Variants in RPS6KA2 observed in about 807,000 individuals in gnomAD.
RPS6KA2 encodes ribosomal protein S6 kinase A2.
Under a neutral mutation model 91.8 loss-of-function variants are expected in RPS6KA2, and 42 were observed. The observed-to-expected ratio is 0.46, with a 90% CI of 0.36 to 0.59. The LOEUF is 0.59. Among genes scored for constraint, RPS6KA2 ranks in the 20% least tolerant of loss-of-function variants. The pLI is 0.00. For missense variants in RPS6KA2, 798 were observed against 978.5 expected (o/e 0.82, Z 2.46); for synonymous variants, 414 against 393.6 (o/e 1.05, Z -0.61).
intron 2 of RPS6KA2, among the ~76,000 whole-genome samples, chr6:166,694,104 G>A (rs184717867): frequency 1.6e-4 from 24 of 152,308 alleles, no homozygotes; most frequent in African/African-American, 4.6e-4. Flanking sequence ...ACTGGGGCTC[G>A]CTGCCCTTAT....
At chr6:166,542,276 T>C (rs1041841560) in intron 1 of RPS6KA2, 11 of 152,246 alleles carry the variant, frequency 7.2e-5, no homozygotes, top group Non-Finnish European at 1.3e-4. Flanking sequence ...AGCATGAAAA[T>C]GTTACTCACA....
chr6:166,791,827 G>T (rs1417600407), intron 2 of RPS6KA2, among the ~76,000 whole-genome samples: 2 of 151,628 alleles, frequency 1.3e-5, no homozygotes, highest in African/African-American at 4.9e-5. Flanking sequence ...CGAGAACAAA[G>T]ACACAACATA....
In RPS6KA2 at chr6:166,757,596, C is replaced by G. The variant is rs573815241; in HGVS notation, c.123+100604G>C. The G allele has an allele frequency of 2.2e-4, 100 of 456,218 alleles. No individual in the cohort carries two copies. The East Asian group carries it at 6.8e-3, about 31-fold the overall frequency. The allele number at this position is 456,218 out of a possible 1,614,324, so 28.3% of individuals were successfully genotyped here. ...TCATCATGATGCACTCCCCAGGTCC[C>G]GGGGGCCGGGCTCCCCTTGCCGTCC... On this transcript the variant is annotated intron_variant, in intron 2 of 21. Transcript: ENST00000503859.
At chr6:166,610,722 A>G (rs992897778) in intron 1 of RPS6KA2, among the ~76,000 whole-genome samples, 2 of 152,272 alleles carry the variant, frequency 1.3e-5, no homozygotes, top group African/African-American at 4.8e-5. Flanking sequence ...TATGGAAAGT[A>G]GTGGTAAAGA....
chr6:166,549,881 C>T (rs1156997980), intron 1 of RPS6KA2, among the ~76,000 whole-genome samples: 1 of 152,208 alleles, frequency 6.6e-6, no homozygotes, highest in Non-Finnish European at 1.5e-5. Context: ...TGTGGTTGTA[C>T]AAGGTGGAGC....
intron 1 of RPS6KA2, among the ~76,000 whole-genome samples, chr6:166,625,678 G>C (rs1023754799): frequency 1.3e-5 from 2 of 152,148 alleles, no homozygotes; most frequent in African/African-American, 4.8e-5. Context: ...AAGTGCCTGT[G>C]TCCCAGGAAA....
At chr6:166,503,776 CA>C (rs1360036181) in intron 6 of RPS6KA2, among the ~76,000 whole-genome samples, 2 of 152,172 alleles carry the variant, frequency 1.3e-5, no homozygotes, top group African/African-American at 4.8e-5. Context: ...ACAACAACAA[CA>C]AAATGAAAAT....
At chr6:166,695,831 G>C (rs4991783) in intron 2 of RPS6KA2, among the ~76,000 whole-genome samples, 1,647 of 151,262 alleles carry the variant, frequency 0.011, 40 homozygotes, top group African/African-American at 0.038. Context: ...TCTCACAGGA[G>C]CACTGGATTC....
At chr6:166,442,600 A>C (rs538588212) in intron 14 of RPS6KA2, among the ~76,000 whole-genome samples, 1 of 152,084 alleles carries the variant, frequency 6.6e-6, no homozygotes, top group Non-Finnish European at 1.5e-5. Flanking sequence ...ACCATATTCT[A>C]TCTAACGCCT....
At chr6:166,751,996 C>G (rs1281322820) in intron 2 of RPS6KA2, among the ~76,000 whole-genome samples, 1 of 152,060 alleles carries the variant, frequency 6.6e-6, no homozygotes, top group Non-Finnish European at 1.5e-5. Flanking sequence ...GAAAGGGGCC[C>G]CAGAAGACAA....
At chr6:166,777,522 A>G (rs867183103) in intron 2 of RPS6KA2, among the ~76,000 whole-genome samples, 16 of 152,354 alleles carry the variant, frequency 1.1e-4, no homozygotes, top group South Asian at 6.2e-4. Flanking sequence ...AGGACACACA[A>G]AAAGGCAAAA....
intron 2 of RPS6KA2, among the ~76,000 whole-genome samples, chr6:166,649,419 C>T (rs975162616): frequency 1.1e-4 from 17 of 152,170 alleles, no homozygotes; most frequent in Non-Finnish European, 2.9e-5. Context: ...AATCTGTTTC[C>T]GGGTCATCCT....
At chr6:166,529,997 A>G (rs1783209857) in intron 3 of RPS6KA2, among the ~76,000 whole-genome samples, 1 of 152,242 alleles carries the variant, frequency 6.6e-6, no homozygotes, top group Non-Finnish European at 1.5e-5. Context: ...TAAGTGGTTT[A>G]AAGTCTGTAC....
chr6:166,482,966 G>A (rs576587282), intron 10 of RPS6KA2, among the ~76,000 whole-genome samples: 1 of 152,216 alleles, frequency 6.6e-6, no homozygotes, highest in African/African-American at 2.4e-5. Flanking sequence ...AAACAAAGGT[G>A]GCCGTGCAGC....
rs927508275 is a variant in RPS6KA2, at chr6:166,661,782, C to T, written c.124-122998G>A. Among the ~76,000 whole-genome samples, 6 of 152,018 alleles carry T rather than the reference C, an allele frequency of 3.9e-5. No homozygotes were observed. The East Asian group carries it at 5.8e-4, about 15-fold the overall frequency. ...ACAAAGCCTTTTCTCTTTCTGAAATCGGTTAAATATTCTAGAGTATTTTGT... is the reference window on the plus strand; with the variant it reads ...ACAAAGCCTTTTCTCTTTCTGAAATTGGTTAAATATTCTAGAGTATTTTGT... On this transcript the variant is annotated intron_variant, in intron 2 of 21. Coordinates refer to the RPS6KA2 transcript ENST00000503859.
Position 166,450,310 on chromosome 6 carries a change from G to A in RPS6KA2, c.1206+793C>T, listed in dbSNP as rs575132504. On this transcript the variant is annotated intron_variant, in intron 13 of 20. Coordinates refer to ENST00000265678, the MANE Select transcript of RPS6KA2 (RefSeq NM_021135.6). ...GGGAACCACCACGGGGACCACCATA[G>A]GGACCACCAGGGGGACCACCACAGG... 4.7e-5 allele frequency among the ~76,000 whole-genome samples: 7 copies of A among 150,170 alleles called. No homozygotes were observed. In the East Asian group the frequency reaches 1.2e-3, roughly 26 times the overall value.
intron 3 of RPS6KA2, among the ~76,000 whole-genome samples, chr6:166,511,811 G>A (rs905130855): frequency 1.3e-5 from 2 of 152,170 alleles, no homozygotes; most frequent in African/African-American, 4.8e-5. Flanking sequence ...CAAACTGGGA[G>A]GATGTGGAGA....
At chr6:166,702,507 C>T in intron 2 of RPS6KA2, 1 of 1,534,402 alleles carries the variant, frequency 6.5e-7, no homozygotes. Flanking sequence ...TGTTCACTTG[C>T]TGACAGCTCT....
At chr6:166,667,216 T>C (rs1260761056) in intron 2 of RPS6KA2, among the ~76,000 whole-genome samples, 3 of 152,232 alleles carry the variant, frequency 2.0e-5, no homozygotes, top group Non-Finnish European at 4.4e-5. Context: ...ACCACTGAAC[T>C]GCACACTGAC....
Sources: gnomAD v4.1 joint callset for allele counts (sites outside exome capture counted in the v4.1 genomes callset) on GRCh38, gnomAD v4.1.1 for gene constraint, MANE v1.5 for transcripts, NCBI Gene and HGNC (gene_info 2026-07-23, HGNC 2026-07-21) for gene names.